The following VEGFC variants were observed in gnomAD, a reference collection of about 807,000 sequenced individuals.
VEGFC encodes the protein FLT4 ligand DHM.
A neutral mutation model predicts 46.1 loss-of-function variants in VEGFC; 12 were observed. That is an observed-to-expected ratio of 0.26 (90% CI 0.17 to 0.42). VEGFC has a LOEUF of 0.42. VEGFC is among the 10% of genes least tolerant of loss of function. The pLI is 1.00. For synonymous variants in VEGFC, 232 were observed against 195.5 expected, an observed-to-expected ratio of 1.19 and a Z score of -1.56; for missense variants, 488 against 529.4, an observed-to-expected ratio of 0.92 and a Z score of 0.77.
At chr4:176,708,300 A>C (rs1282355698) in intron 4 of VEGFC, among the ~76,000 whole-genome samples, 2 of 152,126 alleles carry the variant, frequency 1.3e-5, no homozygotes, top group South Asian at 4.1e-4. Flanking sequence ...TGGCAAATAC[A>C]ATTATAAATT....
chr4:176,715,985 C>T (rs1438217158), intron 3 of VEGFC, among the ~76,000 whole-genome samples: 1 of 152,084 alleles, frequency 6.6e-6, no homozygotes, highest in Admixed American at 6.6e-5. Context: ...TACCTAACTT[C>T]CCCAAGCCTC....
intron 1 of VEGFC, among the ~76,000 whole-genome samples, chr4:176,744,814 A>T (rs1735234350): frequency 6.6e-6 from 1 of 152,054 alleles, no homozygotes; most frequent in Admixed American, 6.6e-5. Context: ...GACAAAAGGT[A>T]TGCAGCCAGT....
At chr4:176,686,422 T>C (rs1190722421) in intron 6 of VEGFC, among the ~76,000 whole-genome samples, 1 of 151,920 alleles carries the variant, frequency 6.6e-6, no homozygotes, top group Non-Finnish European at 1.5e-5. Flanking sequence ...GCTAATAAAA[T>C]AGAAGAAATT....
At chr4:176,784,756 C>CAAAAAA (rs5864405) in intron 1 of VEGFC, among the ~76,000 whole-genome samples, 34 of 22,964 alleles carry the variant, frequency 1.5e-3, no homozygotes, top group African/African-American at 2.9e-3. Flanking sequence ...GAGTCTGTCT[C>CAAAAAA]AAAAAAAAAA....
intron 1 of VEGFC, among the ~76,000 whole-genome samples, chr4:176,730,947 T>C (rs1164792361): frequency 2.0e-5 from 3 of 152,154 alleles, no homozygotes; most frequent in Admixed American, 2.0e-4. Context: ...ATTATTAATA[T>C]GAAATGTGTT....
intron 1 of VEGFC, among the ~76,000 whole-genome samples, chr4:176,748,785 G>T (rs555032785): frequency 6.6e-6 from 1 of 151,830 alleles, no homozygotes; most frequent in East Asian, 1.9e-4. Context: ...AGAAGTTTCT[G>T]AATATATTTA....
chr4:176,749,037 A>G (rs1735300976), intron 1 of VEGFC, among the ~76,000 whole-genome samples: 1 of 152,056 alleles, frequency 6.6e-6, no homozygotes, highest in Non-Finnish European at 1.5e-5. Flanking sequence ...ATGCAAGTCA[A>G]TAATGCAATA....
chr4:176,716,870 CATG>C (rs1734709326), intron 3 of VEGFC, among the ~76,000 whole-genome samples: 1 of 149,348 alleles, frequency 6.7e-6, no homozygotes, highest in Non-Finnish European at 1.5e-5. Flanking sequence ...AAATATGAAT[CATG>C]ATACTATTGT....
chr4:176,791,040 T>G (rs1736081849), intron 1 of VEGFC, among the ~76,000 whole-genome samples: 1 of 152,150 alleles, frequency 6.6e-6, no homozygotes, highest in African/African-American at 2.4e-5. Flanking sequence ...TTTCCAAAAA[T>G]TAGTCTTCTC....
At chr4:176,699,324 A>G (rs1412662756) in intron 4 of VEGFC, among the ~76,000 whole-genome samples, 1 of 152,214 alleles carries the variant, frequency 6.6e-6, no homozygotes, top group African/African-American at 2.4e-5. Flanking sequence ...CATGTCACTC[A>G]GCGGGTTATC....
At chr4:176,685,480 T>G (rs756183036) in intron 6 of VEGFC, among the ~76,000 whole-genome samples, 1 of 152,080 alleles carries the variant, frequency 6.6e-6, no homozygotes, top group African/African-American at 2.4e-5. Flanking sequence ...CTAGGATGAG[T>G]TGCAGTAAAC....
chr4:176,724,646 G>A (rs1289955949), intron 3 of VEGFC, among the ~76,000 whole-genome samples: 1 of 152,118 alleles, frequency 6.6e-6, no homozygotes, highest in African/African-American at 2.4e-5. Context: ...AGACAGGAAG[G>A]CCAGGTTAAC....
chr4:176,733,801 A>T (rs1052172857), intron 1 of VEGFC, among the ~76,000 whole-genome samples: 1 of 151,842 alleles, frequency 6.6e-6, no homozygotes, highest in Non-Finnish European at 1.5e-5. Flanking sequence ...ATAAACTGAG[A>T]GCTAAATAGA....
At chr4:176,759,836 C>A (rs867005244) in intron 1 of VEGFC, among the ~76,000 whole-genome samples, 2 of 151,868 alleles carry the variant, frequency 1.3e-5, no homozygotes, top group South Asian at 2.1e-4. Context: ...TGGTTTATAT[C>A]GCATTTGCCA....
intron 1 of VEGFC, among the ~76,000 whole-genome samples, chr4:176,761,874 A>C (rs752994084): frequency 4.6e-5 from 7 of 152,256 alleles, no homozygotes; most frequent in Non-Finnish European, 1.0e-4. Flanking sequence ...GCTAGAATTC[A>C]GAGTTGGAAG....
intron 1 of VEGFC, among the ~76,000 whole-genome samples, chr4:176,734,221 T>C (rs149810612): frequency 0.019 from 2,885 of 151,886 alleles, 78 homozygotes; most frequent in African/African-American, 0.066. Flanking sequence ...CTTTATGTTT[T>C]TATACATAAA....
At chr4:176,694,108 G>A (rs1029758396) in intron 4 of VEGFC, among the ~76,000 whole-genome samples, 5 of 150,904 alleles carry the variant, frequency 3.3e-5, no homozygotes, top group Non-Finnish European at 7.4e-5. Flanking sequence ...CATAATGACA[G>A]GATCAAATTC....
intron 1 of VEGFC, among the ~76,000 whole-genome samples, chr4:176,769,043 T>C (rs1735680313): frequency 6.6e-6 from 1 of 151,954 alleles, no homozygotes; most frequent in Non-Finnish European, 1.5e-5. Context: ...GGTGGAGCCC[T>C]CAAGAATAAA....
intron 1 of VEGFC, among the ~76,000 whole-genome samples, chr4:176,761,853 C>T (rs767988809): frequency 5.3e-5 from 8 of 152,170 alleles, no homozygotes; most frequent in Non-Finnish European, 8.8e-5. Flanking sequence ...CAAAATGAAA[C>T]AGCAGAGAGT....
Sources: gnomAD v4.1 joint callset for allele counts (sites outside exome capture counted in the v4.1 genomes callset) on GRCh38, gnomAD v4.1.1 for gene constraint, MANE v1.5 for transcripts, NCBI Gene and HGNC (gene_info 2026-07-23, HGNC 2026-07-21) for gene names.